Variants in METTL15 observed in about 807,000 individuals in gnomAD.
The protein encoded by METTL15 is 12S rRNA N(4)-cytidine methyltransferase METTL15.
METTL15 carries 34 observed loss-of-function variants against 38.3 expected under a neutral mutation model. The ratio of observed to expected loss-of-function variants is 0.89; its 90% CI spans 0.68 to 1.18. The LOEUF is 1.18. Among genes scored for constraint, METTL15 ranks in the 50% most tolerant of loss-of-function variants. The pLI is 0.00. For synonymous variants in METTL15, 162 were observed against 170.9 expected, an observed-to-expected ratio of 0.95 and a Z score of 0.41; for missense variants, 438 against 498.4, an observed-to-expected ratio of 0.88 and a Z score of 1.15.
chr11:28,307,537 A>G (rs1857124489), intron 6 of METTL15, among the ~76,000 whole-genome samples: 1 of 151,990 alleles, frequency 6.6e-6, no homozygotes, highest in Admixed American at 6.6e-5. Flanking sequence ...GACCTACAAA[A>G]ATAAGAGAAA....
intron 6 of METTL15, among the ~76,000 whole-genome samples, chr11:28,487,255 C>T (rs970765815): frequency 1.3e-4 from 20 of 151,946 alleles, no homozygotes; most frequent in African/African-American, 4.4e-4. Flanking sequence ...GCTATGAGGA[C>T]GTTCATCTCA....
intron 5 of METTL15, among the ~76,000 whole-genome samples, chr11:28,416,570 A>C (rs554903312): frequency 2.6e-4 from 39 of 152,320 alleles, no homozygotes; most frequent in African/African-American, 8.4e-4. Context: ...TGTATCTAAG[A>C]GTGAAACCAG....
chr11:28,141,167 GC>G (rs1849686106), intron 3 of METTL15, among the ~76,000 whole-genome samples: 1 of 152,078 alleles, frequency 6.6e-6, no homozygotes, highest in Non-Finnish European at 1.5e-5. Flanking sequence ...AATTTGGTGG[GC>G]AGAGCACTAG....
chr11:28,421,932 G>A (rs190337559), intron 5 of METTL15, among the ~76,000 whole-genome samples: 35 of 151,924 alleles, frequency 2.3e-4, no homozygotes, highest in African/African-American at 7.9e-4. Context: ...TCTTATATTT[G>A]GAATACCGTA....
At chr11:28,493,526 C>T (rs1851513554) in intron 6 of METTL15, among the ~76,000 whole-genome samples, 1 of 152,162 alleles carries the variant, frequency 6.6e-6, no homozygotes, top group East Asian at 1.9e-4. Flanking sequence ...TAAACATCGA[C>T]TCTGGTTATT....
At chr11:28,342,199 A>G (rs1244019150) in intron 3 of METTL15, among the ~76,000 whole-genome samples, 1 of 152,160 alleles carries the variant, frequency 6.6e-6, no homozygotes, top group Non-Finnish European at 1.5e-5. Context: ...GCCCAGGTGT[A>G]TCTATGCCCT....
intron 5 of METTL15, among the ~76,000 whole-genome samples, chr11:28,291,063 T>TC (rs1360291824): frequency 2.0e-5 from 3 of 150,870 alleles, no homozygotes; most frequent in African/African-American, 4.9e-5. Flanking sequence ...TTTTTTTTTT[T>TC]TTTTGAGACA....
chr11:28,217,676 G>A (rs1407478359), intron 4 of METTL15, among the ~76,000 whole-genome samples: 1 of 152,132 alleles, frequency 6.6e-6, no homozygotes, highest in African/African-American at 2.4e-5. Flanking sequence ...TTCTTCTAGG[G>A]TTTTTATGGT....
At chr11:28,194,963 A>C (rs1851856874) in intron 3 of METTL15, among the ~76,000 whole-genome samples, 1 of 151,874 alleles carries the variant, frequency 6.6e-6, no homozygotes. Flanking sequence ...TTGGTTTTCC[A>C]TTCCGGAGTT....
intron 3 of METTL15, among the ~76,000 whole-genome samples, chr11:28,144,561 A>AT (rs1374579405): frequency 1.4e-4 from 21 of 151,504 alleles, no homozygotes; most frequent in Non-Finnish European, 1.3e-4. Context: ...GACTAATAGG[A>AT]TTTTTTTTTC....
At chr11:28,132,554 T>C (rs1480959037) in intron 3 of METTL15, among the ~76,000 whole-genome samples, 1 of 152,144 alleles carries the variant, frequency 6.6e-6, no homozygotes, top group South Asian at 2.1e-4. Flanking sequence ...AATCAATTAA[T>C]TAATTTCAGC....
At chr11:28,283,650 A>G (rs1296728493) in intron 4 of METTL15, among the ~76,000 whole-genome samples, 1 of 152,170 alleles carries the variant, frequency 6.6e-6, no homozygotes, top group Non-Finnish European at 1.5e-5. Flanking sequence ...ATGACTTGCC[A>G]GTATCAGGAT....
rs535250454 is a variant in METTL15, at chr11:28,168,211, G to GA, written c.271-42845dup. On this transcript the variant is annotated intron_variant, in intron 3 of 6. Transcript: ENST00000407364. ...TTCAGGCATGGATGTTTTTCTTTTA[G>GA]AAAAAATAAGACAATGTCACCCTCA... Among the ~76,000 whole-genome samples, 285 of 151,174 alleles carry GA rather than the reference G, an allele frequency of 1.9e-3. 1 individual carries two copies. The highest frequency in any genetic ancestry group is 6.6e-3 in the African/African-American group (270 of 41,206).
intron 3 of METTL15, among the ~76,000 whole-genome samples, chr11:28,158,644 C>T (rs1400814804): frequency 6.6e-6 from 1 of 152,214 alleles, no homozygotes; most frequent in Non-Finnish European, 1.5e-5. Context: ...TCTGCCAAGA[C>T]TACCATCCAT....
downstream of METTL15, among the ~76,000 whole-genome samples, chr11:28,334,201 C>T (rs1849879814): frequency 6.6e-6 from 1 of 151,966 alleles, no homozygotes; most frequent in Non-Finnish European, 1.5e-5. Context: ...ATCCCTTCTT[C>T]TCTGTTCACA....
intron 5 of METTL15, among the ~76,000 whole-genome samples, chr11:28,374,048 A>T (rs577145847): frequency 2.0e-5 from 3 of 152,234 alleles, no homozygotes; most frequent in Admixed American, 6.5e-5. Flanking sequence ...TACCAGTGCC[A>T]TGCTGTTTTG....
chr11:28,497,851 G>A (rs1851548799), intron 6 of METTL15, among the ~76,000 whole-genome samples: 1 of 152,182 alleles, frequency 6.6e-6, no homozygotes, highest in Admixed American at 6.5e-5. Context: ...TTGAGGCCAG[G>A]AGATCAAGAC....
chr11:28,463,511 TTAAAA>T (rs775550544), intron 6 of METTL15, among the ~76,000 whole-genome samples: 3 of 152,254 alleles, frequency 2.0e-5, no homozygotes, highest in Admixed American at 2.0e-4. Flanking sequence ...TGATAACTGC[TTAAAA>T]TGATAACCTT....
At chr11:28,390,861 G>C (rs1246514950) in intron 5 of METTL15, among the ~76,000 whole-genome samples, 3 of 152,150 alleles carry the variant, frequency 2.0e-5, no homozygotes, top group African/African-American at 7.2e-5. Context: ...CTACCCATAA[G>C]CATGTAATGT....
Sources: gnomAD v4.1 joint callset for allele counts (sites outside exome capture counted in the v4.1 genomes callset) on GRCh38, gnomAD v4.1.1 for gene constraint, MANE v1.5 for transcripts, NCBI Gene and HGNC (gene_info 2026-07-23, HGNC 2026-07-21) for gene names.